Variants in TNFRSF1B observed in about 807,000 individuals in gnomAD.
TNFRSF1B encodes the protein TNF receptor superfamily member 1B, also known as tumor necrosis factor receptor superfamily member 1B.
TNFRSF1B carries 19 observed loss-of-function variants against 44.6 expected under a neutral mutation model. That is an observed-to-expected ratio of 0.43 (90% CI 0.30 to 0.62). The LOEUF is 0.62. TNFRSF1B is among the 20% of genes least tolerant of loss of function. The pLI, the probability that TNFRSF1B is intolerant of heterozygous loss-of-function variation, is 0.16. For missense variants in TNFRSF1B, 541 were observed against 619.9 expected, an observed-to-expected ratio of 0.87 and a Z score of 1.35; for synonymous variants, 252 against 261.1, an observed-to-expected ratio of 0.97 and a Z score of 0.34.
rs746599817 is a variant in TNFRSF1B at position 12,193,106 on chromosome 1, G to T, written c.787+8G>T. ...ACTTCGCTCTTCCAGTTGGTAAGTC[G>T]CAAGAAGTCTCATTCATTCACTCCT... On this transcript the variant is annotated splice_region_variant and intron_variant, in intron 6 of 9. Coordinates refer to ENST00000376259, the MANE Select transcript of TNFRSF1B (RefSeq NM_001066.3). 6.2e-6 allele frequency: 10 copies of T among 1,603,318 alleles called. No individual in the cohort carries two copies. Among genetic ancestry groups the T allele is most frequent in the South Asian group, 1.1e-5 (1 of 90,418 alleles).
intron 1 of TNFRSF1B, among the ~76,000 whole-genome samples, chr1:12,173,371 G>T (rs1198501037): frequency 6.6e-6 from 1 of 152,170 alleles, no homozygotes; most frequent in East Asian, 1.9e-4. Context: ...TCTTCTTGCT[G>T]ACCTCAATCT....
chr1:12,188,766 T>C, intron 1 of TNFRSF1B, 30 bp from the exon 2 acceptor site: 1 of 1,607,210 alleles, frequency 6.2e-7, no homozygotes, highest in East Asian at 2.2e-5. Context: ...GGCGGCCCTG[T>C]TGATGGCAGT....
intron 1 of TNFRSF1B, among the ~76,000 whole-genome samples, chr1:12,173,710 A>C (rs1183028969): frequency 3.9e-5 from 6 of 152,198 alleles, no homozygotes; most frequent in Admixed American, 1.3e-4. Flanking sequence ...TAATGGGTGC[A>C]GGCTGCTCTG....
At chr1:12,191,732 C>T (rs1185774026) in intron 3 of TNFRSF1B, 42 bp from the exon 4 acceptor site, 2 of 1,609,948 alleles carry the variant, frequency 1.2e-6, no homozygotes, top group Non-Finnish European at 1.7e-6. Flanking sequence ...GTGGGTGTGG[C>T]GGAGGCAGGC....
At chr1:12,204,810 ACC>A (rs1491476199) in intron 9 of TNFRSF1B, among the ~76,000 whole-genome samples, 28 of 151,322 alleles carry the variant, frequency 1.9e-4, no homozygotes, top group East Asian at 1.2e-3. Context: ...CACCACCACC[ACC>A]ACCAACAAAA....
chr1:12,181,929 C>A (rs5745992), intron 1 of TNFRSF1B, among the ~76,000 whole-genome samples: 1 of 152,204 alleles, frequency 6.6e-6, no homozygotes, highest in Non-Finnish European at 1.5e-5. Flanking sequence ...TCCTTAAGAA[C>A]CCAGGGCTGG....
intron 1 of TNFRSF1B, among the ~76,000 whole-genome samples, chr1:12,172,335 C>A (rs1638541403): frequency 6.6e-6 from 1 of 152,218 alleles, no homozygotes; most frequent in Non-Finnish European, 1.5e-5. Context: ...GGCTGTGTGA[C>A]CTGGGCAAGT....
intron 4 of TNFRSF1B, 151 bp from the exon 5 acceptor site, chr1:12,192,274 ATCTGTG>A (rs1249783231): frequency 8.7e-6 from 6 of 689,470 alleles, no homozygotes; most frequent in Non-Finnish European, 1.3e-5. Flanking sequence ...GTGTACAGGC[ATCTGTG>A]TGTGTGTGTG....
intron 9 of TNFRSF1B, among the ~76,000 whole-genome samples, chr1:12,205,564 G>A (rs1325685882): frequency 6.6e-6 from 1 of 152,124 alleles, no homozygotes; most frequent in Non-Finnish European, 1.5e-5. Context: ...AGTGAGGGGA[G>A]GCTTCCATAG....
At chr1:12,181,524 C>A (rs568503008) in intron 1 of TNFRSF1B, among the ~76,000 whole-genome samples, 1 of 152,278 alleles carries the variant, frequency 6.6e-6, no homozygotes, top group South Asian at 2.1e-4. Flanking sequence ...ACCCCCAAAT[C>A]CCCCGGACCC....
Position 12,168,935 on chromosome 1 carries a change from G to A in TNFRSF1B, c.78+1766G>A, listed in dbSNP as rs1320652315. ...CCCTGGAGATCCCAGGCCAGAGTAA[G>A]GTACCTGAACTCTTCCTCGCGCCTC... On this transcript the variant is annotated intron_variant, in intron 1 of 9. Coordinates refer to ENST00000376259, the MANE Select transcript of TNFRSF1B (RefSeq NM_001066.3). This position sits in a 1 kb window ranked among gnomAD's most constrained non-coding sequence, Gnocchi z 4.7. Among the ~76,000 whole-genome samples, 15 of 152,108 alleles carry A rather than the reference G, an allele frequency of 9.9e-5. No homozygotes were observed. The highest frequency in any genetic ancestry group is 1.6e-4 in the Non-Finnish European group (11 of 68,022).
At chr1:12,193,647 G>A (rs1294170539) in intron 6 of TNFRSF1B, among the ~76,000 whole-genome samples, 1 of 152,194 alleles carries the variant, frequency 6.6e-6, no homozygotes, top group Non-Finnish European at 1.5e-5. Flanking sequence ...ATATGCAGAT[G>A]GTCTCCTTGC....
At chr1:12,170,192 C>A (rs1638489797) in intron 1 of TNFRSF1B, among the ~76,000 whole-genome samples, 1 of 152,174 alleles carries the variant, frequency 6.6e-6, no homozygotes, top group Non-Finnish European at 1.5e-5. Context: ...TTCATTCATT[C>A]ATTCCCCAAA....
At position 12,192,539 on chromosome 1, in the gene TNFRSF1B, C is replaced by A. The variant is rs774919239; in HGVS notation, c.551+15C>A. On this transcript the variant is annotated intron_variant, in intron 5 of 9. Coordinates refer to ENST00000376259, the MANE Select transcript of TNFRSF1B (RefSeq NM_001066.3). ...CCCCACCAGATGTGAGTAGCTGAGT[C>A]CTTTGGTTCTGGAGGAGCAGGGAGG... is the stretch of plus-strand genomic sequence containing the variant. 1 of 1,613,206 alleles carries A rather than the reference C, an allele frequency of 6.2e-7. No individual in the cohort carries two copies. The highest frequency in any genetic ancestry group is 1.3e-5 in the African/African-American group (1 of 74,880).
In TNFRSF1B at chr1:12,206,786, C is replaced by T. The variant is rs765379693; in HGVS notation, c.1152C>T (p.Ile384=). Residue 384 remains isoleucine, a synonymous_variant, in exon 10 of 10, where the codon ATC becomes ATT. Transcript: ENST00000376259. ...GHGTQVNVTC[I]VNVCSSSDHS... ...GGACCCAGGTCAATGTCACCTGCAT[C>T]GTGAACGTCTGTAGCAGCTCTGACC... The T allele has an allele frequency of 1.8e-5, 29 of 1,611,598 alleles. No homozygotes were observed. Among genetic ancestry groups the T allele is most frequent in the Admixed American group, 1.0e-4 (6 of 59,870 alleles).
chr1:12,204,806 C>CA lies in TNFRSF1B; in HGVS notation c.1106-1933dup, dbSNP rs1328893426. On this transcript the variant is annotated intron_variant, in intron 9 of 9. Transcript: ENST00000376259. Reference sequence around the variant, plus strand: ...TTAAAAACATCACCACCACCACCACCACCACCACCAACAAAAAAACCCGTA... The same window carrying CA: ...TTAAAAACATCACCACCACCACCACCAACCACCACCAACAAAAAAACCCGTA... Among the ~76,000 whole-genome samples, 199 of 151,250 alleles carry CA rather than the reference C, an allele frequency of 1.3e-3. 1 individual carries two copies. The highest frequency in any genetic ancestry group is 4.6e-3 in the African/African-American group (189 of 40,730).
chr1:12,173,458 A>G (rs1158065230), intron 1 of TNFRSF1B, among the ~76,000 whole-genome samples: 2 of 152,170 alleles, frequency 1.3e-5, no homozygotes, highest in Non-Finnish European at 2.9e-5. Context: ...TTCAGCCTTC[A>G]TGAAGGACAT....
chr1:12,188,667 T>G, intron 1 of TNFRSF1B, 129 bp from the exon 2 acceptor site: 1 of 829,668 alleles, frequency 1.2e-6, no homozygotes, highest in Non-Finnish European at 1.9e-6. Context: ...GGGAGAAACC[T>G]CCCCAGCCAT....
intron 8 of TNFRSF1B, 35 bp from the exon 9 acceptor site, chr1:12,201,932 T>C: frequency 6.5e-7 from 1 of 1,548,220 alleles, no homozygotes; most frequent in Non-Finnish European, 8.8e-7. Flanking sequence ...GCTGGTGGGC[T>C]GACTGCTCTC....
Sources: gnomAD v4.1 joint callset for allele counts (sites outside exome capture counted in the v4.1 genomes callset) on GRCh38, gnomAD v4.1.1 for gene constraint, Gnocchi (gnomAD v3.1) non-coding constraint, MANE v1.5 for transcripts, NCBI Gene and HGNC (gene_info 2026-07-23, HGNC 2026-07-21) for gene names.